The following RARRES2 variants were observed in gnomAD, a reference collection of about 807,000 sequenced individuals.
The protein encoded by RARRES2 is retinoic acid receptor responder 2.
In RARRES2, 12 loss-of-function variants were observed where a neutral mutation model predicts 17.9. The ratio of observed to expected loss-of-function variants is 0.67; its 90% CI spans 0.43 to 1.08. RARRES2 has a LOEUF of 1.08. Among genes scored for constraint, RARRES2 ranks in the 50% least tolerant of loss-of-function variants. The pLI is 0.00. For missense variants in RARRES2, 220 were observed against 210.1 expected (o/e 1.05, Z -0.29); for synonymous variants, 82 against 86.8 (o/e 0.94, Z 0.31).
intron 3 of RARRES2, among the ~76,000 whole-genome samples, chr7:150,339,290 A>G (rs1000717158): frequency 2.0e-5 from 3 of 152,198 alleles, no homozygotes; most frequent in Non-Finnish European, 4.4e-5. Flanking sequence ...TTTTCAAACT[A>G]TGGAACTTTC....
In RARRES2 at chr7:150,338,414, A is replaced by C. The variant is rs552902395; in HGVS notation, c.*36T>G. On this transcript the variant is annotated 3_prime_UTR_variant, in exon 6 of 6. Coordinates refer to ENST00000223271, the MANE Select transcript of RARRES2 (RefSeq NM_002889.4). ...GGGTCTTCCACTGGTTACCACCCGCAGCGGTCCTGGAGGCACCACGCATCT... is the reference window on the plus strand; with the variant it reads ...GGGTCTTCCACTGGTTACCACCCGCCGCGGTCCTGGAGGCACCACGCATCT... 1.1e-4 allele frequency: 168 copies of C among 1,516,560 alleles called. No homozygotes were observed. The highest frequency in any genetic ancestry group is 1.8e-4 in the Admixed American group (9 of 50,322). 93.9% of individuals were successfully genotyped at this position (1,516,560 alleles called of 1,614,324 possible). A position where few individuals can be genotyped will look rare whatever the true frequency, so the allele number is the denominator to read the frequency against.
chr7:150,339,791 C>T (rs1005506063), intron 3 of RARRES2, among the ~76,000 whole-genome samples: 9 of 152,070 alleles, frequency 5.9e-5, no homozygotes, highest in African/African-American at 4.8e-5. Flanking sequence ...CCACCCAGGC[C>T]CTGATGCTTG....
At chr7:150,339,187 A>C in intron 3 of RARRES2, 106 bp from the exon 4 acceptor site, 1 of 1,087,012 alleles carries the variant, frequency 9.2e-7, no homozygotes, top group Admixed American at 1.9e-5. Context: ...CCAGATCCCC[A>C]ACTAGGCCCT....
Position 150,339,047 on chromosome 7 carries a change from C to T in RARRES2, c.314G>A (p.Gly105Asp). ...KRKCLACIKL[G>D]SEDKVLGRLV... ...CCGGCCCAGAACTTTGTCCTCAGAGCCCAGTTTGATGCAGGCCAGGCATTT... is the reference window on the plus strand; with the variant it reads ...CCGGCCCAGAACTTTGTCCTCAGAGTCCAGTTTGATGCAGGCCAGGCATTT... Residue 105 changes from glycine (G) to aspartate (D), a missense_variant, in exon 4 of 6, where the codon GGC becomes GAC. By Grantham distance (94) the Gly-to-Asp change is moderately conservative. Coordinates refer to ENST00000223271, the MANE Select transcript of RARRES2 (RefSeq NM_002889.4). 3.7e-6 allele frequency: 6 copies of T among 1,613,284 alleles called. No homozygotes were observed. The highest frequency in any genetic ancestry group is 4.2e-6 in the Non-Finnish European group (5 of 1,179,304).
chr7:150,339,617 T>G (rs903429842), intron 3 of RARRES2, among the ~76,000 whole-genome samples: 4 of 152,120 alleles, frequency 2.6e-5, no homozygotes, highest in Non-Finnish European at 4.4e-5. Context: ...GAACCTGTAA[T>G]ACAGAGCCCA....
At position 150,338,395 on chromosome 7, in the gene RARRES2, T is replaced by C; in HGVS notation, c.*55A>G. ...TTCCTCTCCCTGGGGGCTGGGGTCT[T>C]CCACTGGTTACCACCCGCAGCGGTC... On this transcript the variant is annotated 3_prime_UTR_variant, in exon 6 of 6. Coordinates refer to ENST00000223271, the MANE Select transcript of RARRES2 (RefSeq NM_002889.4). 6.7e-7 allele frequency: 1 copy of C among 1,503,572 alleles called. No homozygotes were observed. Among genetic ancestry groups the C allele is most frequent in the Non-Finnish European group, 8.9e-7 (1 of 1,126,694 alleles). 93.1% of individuals were successfully genotyped at this position (1,503,572 alleles called of 1,614,324 possible).
chr7:150,340,711 G>A, intron 1 of RARRES2, 82 bp from the exon 2 acceptor site: 2 of 1,227,616 alleles, frequency 1.6e-6, no homozygotes, highest in South Asian at 1.6e-5. Flanking sequence ...GGGGAGGGTG[G>A]GGAGCGGGGG....
rs749752401 is a variant in RARRES2 at position 150,339,090 on chromosome 7, G to A, written c.280-9C>T. 3 of 1,586,940 alleles carry A rather than the reference G, an allele frequency of 1.9e-6. No homozygotes were observed. Among genetic ancestry groups the A allele is most frequent in the Non-Finnish European group, 2.6e-6 (3 of 1,155,348 alleles). On this transcript the variant is annotated splice_polypyrimidine_tract_variant and intron_variant, in intron 3 of 5. Transcript: ENST00000223271. ...AGGCATTTCCGTTTCCTCTGTGGGG[G>A]AGCGGGGAGCATGGGGTGAGCAGAG...
chr7:150,338,562 C>A, intron 5 of RARRES2, 53 bp downstream of exon 5: 1 of 1,533,372 alleles, frequency 6.5e-7, no homozygotes, highest in Non-Finnish European at 8.8e-7. Context: ...AGCCCCTCAG[C>A]ATTCCCAGGG....
chr7:150,338,779 G>C, intron 4 of RARRES2, 38 bp from the exon 5 acceptor site: 1 of 1,562,176 alleles, frequency 6.4e-7, no homozygotes, highest in Non-Finnish European at 8.7e-7. Context: ...GTGTAGGAGG[G>C]GTGGGCAGTG....
rs575647945 is a variant in RARRES2, at chr7:150,339,713, C to T, written c.279+387G>A. 2.8e-4 allele frequency among the ~76,000 whole-genome samples: 42 copies of T among 152,226 alleles called. No individual in the cohort carries two copies. In the East Asian group the frequency reaches 5.0e-3, roughly 18 times the overall value. On this transcript the variant is annotated intron_variant, in intron 3 of 5. Coordinates refer to ENST00000223271, the MANE Select transcript of RARRES2 (RefSeq NM_002889.4). Reference sequence around the variant, plus strand: ...CCCCACGGTGGAAGGTTTGCCCCCACCGTGACTGATGACTGGAGTCCTGCT... The same window carrying T: ...CCCCACGGTGGAAGGTTTGCCCCCATCGTGACTGATGACTGGAGTCCTGCT...
In RARRES2 at chr7:150,340,057, C is replaced by G. The variant is rs750618131; in HGVS notation, c.279+43G>C. On this transcript the variant is annotated intron_variant, in intron 3 of 5. Transcript: ENST00000223271. ...ACCCCAAACCCCAAGTCCATGCACTCACACCCAGCATGCGCCCATTGCTCT... is the reference window on the plus strand; with the variant it reads ...ACCCCAAACCCCAAGTCCATGCACTGACACCCAGCATGCGCCCATTGCTCT... The G allele has an allele frequency of 5.8e-6, 9 of 1,557,244 alleles. No homozygotes were observed. In the East Asian group the frequency reaches 1.8e-4, roughly 31 times the overall value.
At chr7:150,339,201 G>T (rs1798418121) in intron 3 of RARRES2, 120 bp from the exon 4 acceptor site, 3 of 935,790 alleles carry the variant, frequency 3.2e-6, no homozygotes, top group Non-Finnish European at 5.0e-6. Context: ...AGGCCCTCGA[G>T]CCCAGGAGCA....
chr7:150,338,982 T>C lies in RARRES2; in HGVS notation c.375+4A>G. The C allele has an allele frequency of 8.8e-6, 14 of 1,598,170 alleles. No individual in the cohort carries two copies. Among genetic ancestry groups the C allele is most frequent in the Non-Finnish European group, 1.2e-5 (14 of 1,165,596 alleles). On this transcript the variant is annotated splice_donor_region_variant and intron_variant, in intron 4 of 5. Transcript: ENST00000223271. The stretch of plus-strand genomic sequence containing the variant: ...ACCACCTGTGCACCCTTGCCCCTTC[T>C]TACCCGCAGAACTTGGGTCTCTATG...
rs1192181893 is a variant in RARRES2, at chr7:150,340,512, G to T, written c.98C>A (p.Ala33Asp). ...TEAQRRGLQV[A>D]LEEFHKHPPV... ...CGGGTGCTTGTGAAATTCCTCCAGG[G>T]CCACCTGCAGGCCCCGGCGCTGGGC... The change falls in exon 2 of 6, where the codon GCC becomes GAC. Residue 33 changes from alanine (A) to aspartate (D), a missense_variant. Coordinates refer to ENST00000223271, the MANE Select transcript of RARRES2 (RefSeq NM_002889.4). 4 of 1,598,456 alleles carry T rather than the reference G, an allele frequency of 2.5e-6. No homozygotes were observed. Among genetic ancestry groups the T allele is most frequent in the Admixed American group, 1.7e-5 (1 of 57,794 alleles).
At position 150,340,545 on chromosome 7, in the gene RARRES2, A is replaced by G. The variant is rs1366455053; in HGVS notation, c.65T>C (p.Leu22Pro). Residue 22 changes from leucine (L) to proline (P), a missense_variant, in exon 2 of 6, where the codon CTC becomes CCC. Transcript: ENST00000223271. ...CAGGCCCCGGCGCTGGGCTTCCGTG[A>G]GCTCGGCGACGCCCACGCCCACCGC... is the stretch of plus-strand genomic sequence containing the variant. Reference protein sequence around the residue: ...LGAVGVGVAELTEAQRRGLQV... With the variant: ...LGAVGVGVAEPTEAQRRGLQV... 2 of 1,577,578 alleles carry G rather than the reference A, an allele frequency of 1.3e-6. No homozygotes were observed. Among genetic ancestry groups the G allele is most frequent in the African/African-American group, 2.7e-5 (2 of 74,146 alleles).
chr7:150,338,331 G>A lies in RARRES2; in HGVS notation c.*119C>T. On this transcript the variant is annotated 3_prime_UTR_variant, in exon 6 of 6. Coordinates refer to ENST00000223271, the MANE Select transcript of RARRES2 (RefSeq NM_002889.4). ...AACACAAGGAGCTGAGAGGCAGCTGGGAGAGCAGCTTTATTATCATGGCTG... is the reference window on the plus strand; with the variant it reads ...AACACAAGGAGCTGAGAGGCAGCTGAGAGAGCAGCTTTATTATCATGGCTG... The A allele has an allele frequency of 2.2e-6, 3 of 1,390,354 alleles. No homozygotes were observed. Among genetic ancestry groups the A allele is most frequent in the Non-Finnish European group, 2.8e-6 (3 of 1,054,220 alleles). The allele number at this position is 1,390,354 out of a possible 1,614,324, so 86.1% of individuals were successfully genotyped here.
In RARRES2 at chr7:150,340,902, A is replaced by T. The variant is rs527665486; in HGVS notation, c.-20-273T>A. Reference sequence around the variant, plus strand: ...CCACGCTAGGAATCAGTCAGTTCGCACTCCCACCCTACACCCCTAATCTTG... The same window carrying T: ...CCACGCTAGGAATCAGTCAGTTCGCTCTCCCACCCTACACCCCTAATCTTG... On this transcript the variant is annotated intron_variant, in intron 1 of 5. Transcript: ENST00000223271. 2.4e-5 allele frequency: 8 copies of T among 334,906 alleles called. No individual in the cohort carries two copies. In the East Asian group the frequency reaches 4.3e-4, roughly 18 times the overall value. 20.7% of individuals were successfully genotyped at this position (334,906 alleles called of 1,614,324 possible).
At position 150,340,855 on chromosome 7, in the gene RARRES2, C is replaced by CAA; in HGVS notation, c.-20-227_-20-226insTT. On this transcript the variant is annotated intron_variant, in intron 1 of 5. Transcript: ENST00000223271. ...TGCCCGCGCTGTTCCCTGGGGCCTG[C>CAA]AGTTTTAGCAAAGTTCCCTGCCCAC... is the stretch of plus-strand genomic sequence containing the variant. 6.7e-6 allele frequency: 3 copies of CAA among 444,792 alleles called. No individual in the cohort carries two copies. The South Asian group carries it at 1.4e-4, about 20-fold the overall frequency. The allele number at this position is 444,792 out of a possible 1,614,324, so 27.6% of individuals were successfully genotyped here. A position where few individuals can be genotyped will look rare whatever the true frequency, so the allele number is the denominator to read the frequency against.
Sources: allele counts gnomAD v4.1 joint callset (sites outside exome capture counted in the v4.1 genomes callset), GRCh38; gene constraint gnomAD v4.1.1; transcripts MANE v1.5; gene names NCBI Gene and HGNC (gene_info 2026-07-23, HGNC 2026-07-21).